The following SLC4A5 variants were observed in gnomAD, a reference collection of about 807,000 sequenced individuals.
SLC4A5 encodes electrogenic sodium bicarbonate cotransporter 4.
SLC4A5 carries 96 observed loss-of-function variants against 120.4 expected under a neutral mutation model. The ratio of observed to expected loss-of-function variants is 0.80; its 90% CI spans 0.68 to 0.94. The LOEUF is 0.94. Among genes scored for constraint, SLC4A5 ranks in the 40% least tolerant of loss-of-function variants. SLC4A5 has a pLI of 0.00. For missense variants in SLC4A5, 1,259 were observed against 1,459.5 expected, an observed-to-expected ratio of 0.86 and a Z score of 2.24; for synonymous variants, 550 against 571.1, an observed-to-expected ratio of 0.96 and a Z score of 0.53.
intron 18 of SLC4A5, 101 bp from the exon 19 acceptor site, chr2:74,247,408 C>G (rs538668788): frequency 1.6e-6 from 2 of 1,242,460 alleles, no homozygotes. Context: ...CCTCCTGTGG[C>G]ACTGATGCCC....
At chr2:74,328,673 T>G (rs1047823966) in intron 4 of SLC4A5, among the ~76,000 whole-genome samples, 1 of 152,222 alleles carries the variant, frequency 6.6e-6, no homozygotes, top group African/African-American at 2.4e-5. Flanking sequence ...CCTGTTGTTA[T>G]GTACTGGCAT....
chr2:74,216,716 C>G (rs1184330546), exon 31 of SLC4A5: 1 of 152,126 alleles, frequency 6.6e-6, no homozygotes, highest in Non-Finnish European at 1.5e-5. Context: ...TTAAACGATC[C>G]TCCTGCATCA....
chr2:74,233,393 C>T lies in SLC4A5; in HGVS notation c.2595+9G>A, dbSNP rs1022334588. ...GAGGTTATGCCTCTGCTCCTAGTAC[C>T]GGCCTTACCTTCAGTTTGTTCTCCT... On this transcript the variant is annotated intron_variant, in intron 23 of 30. Coordinates refer to ENST00000394019, the Ensembl canonical transcript of SLC4A5. The T allele has an allele frequency of 1.4e-5, 23 of 1,613,932 alleles. No homozygotes were observed. Among genetic ancestry groups the T allele is most frequent in the South Asian group, 1.3e-4 (12 of 91,082 alleles).
At chr2:74,335,143 G>A (rs188320477) in intron 3 of SLC4A5, among the ~76,000 whole-genome samples, 21 of 152,300 alleles carry the variant, frequency 1.4e-4, no homozygotes, top group Admixed American at 1.4e-3. Context: ...TTTTACAGAT[G>A]AGGAAACCAC....
intron 7 of SLC4A5, among the ~76,000 whole-genome samples, chr2:74,292,253 T>C (rs565665122): frequency 1.3e-5 from 2 of 152,316 alleles, no homozygotes; most frequent in African/African-American, 4.8e-5. Context: ...ATGCTTCCTC[T>C]GTTACTACCA....
At chr2:74,250,468 G>A in exon 17 of SLC4A5, 1 of 1,614,220 alleles carries the variant, frequency 6.2e-7, no homozygotes, top group Non-Finnish European at 8.5e-7. Context: ...AAGTCACTTG[G>A]GAACCAGGGC....
At chr2:74,280,716 C>G (rs1353370330) in intron 8 of SLC4A5, among the ~76,000 whole-genome samples, 1 of 150,630 alleles carries the variant, frequency 6.6e-6, no homozygotes, top group African/African-American at 2.5e-5. Flanking sequence ...CAGAGTTTCA[C>G]TCTTGTTGCC....
chr2:74,274,901 G>T (rs1382709207), intron 8 of SLC4A5, among the ~76,000 whole-genome samples: 3 of 152,180 alleles, frequency 2.0e-5, no homozygotes, highest in Non-Finnish European at 4.4e-5. Context: ...TTAGTTAAGT[G>T]ATTCCAGTGT....
intron 5 of SLC4A5, among the ~76,000 whole-genome samples, chr2:74,317,023 A>G (rs1012348764): frequency 6.6e-6 from 1 of 152,258 alleles, no homozygotes; most frequent in South Asian, 2.1e-4. Flanking sequence ...TGTTCAATAC[A>G]CATGCATCAG....
rs149650277 is a variant in SLC4A5 at position 74,284,835 on chromosome 2, G to A, written c.401+938C>T. On this transcript the variant is annotated intron_variant, in intron 8 of 30. Coordinates refer to ENST00000394019, the Ensembl canonical transcript of SLC4A5. The stretch of plus-strand genomic sequence containing the variant: ...TTTCTGCTCTCCGTATATATGGAGT[G>A]CTCTCTGCTCCACACGCTTTTCTCC... Among the ~76,000 whole-genome samples, 184 of 152,260 alleles carry A rather than the reference G, an allele frequency of 1.2e-3. 1 individual carries two copies. The Middle Eastern group carries it at 0.014, about 11-fold the overall frequency.
intron 23 of SLC4A5, 39 bp from the exon 24 acceptor site, chr2:74,232,686 G>A (rs781685626): frequency 2.5e-6 from 4 of 1,602,546 alleles, no homozygotes; most frequent in East Asian, 4.5e-5. Context: ...AGTTTCTGGG[G>A]AGCCAGTTCC....
chr2:74,293,191 C>T (rs1331362022), intron 7 of SLC4A5, among the ~76,000 whole-genome samples: 2 of 152,056 alleles, frequency 1.3e-5, no homozygotes, highest in Admixed American at 6.5e-5. Flanking sequence ...TCTTGGAGGC[C>T]CTGAGTCCTA....
intron 23 of SLC4A5, among the ~76,000 whole-genome samples, chr2:74,233,161 G>A (rs1329480055): frequency 6.6e-6 from 1 of 152,198 alleles, no homozygotes; most frequent in Non-Finnish European, 1.5e-5. Context: ...AAGACAGAGA[G>A]CCTGTGCCCA....
At chr2:74,247,256 T>C in exon 19 of SLC4A5, 1 of 1,614,116 alleles carries the variant, frequency 6.2e-7, no homozygotes, top group Non-Finnish European at 8.5e-7. Context: ...ACTGGACAGC[T>C]GAGTGTAGGC....
chr2:74,327,458 C>G (rs1311591491), intron 5 of SLC4A5, among the ~76,000 whole-genome samples: 1 of 152,234 alleles, frequency 6.6e-6, no homozygotes, highest in Non-Finnish European at 1.5e-5. Context: ...AAAGGCTACC[C>G]TCTCAACCCC....
chr2:74,306,873 C>A, intron 6 of SLC4A5: 1 of 631,372 alleles, frequency 1.6e-6, no homozygotes, highest in East Asian at 3.6e-5. Flanking sequence ...TTCCAGCAGG[C>A]AGTGGTAGGT....
At chr2:74,341,980 G>A (rs1673639282) in intron 2 of SLC4A5, among the ~76,000 whole-genome samples, 1 of 152,230 alleles carries the variant, frequency 6.6e-6, no homozygotes, top group Admixed American at 6.5e-5. Flanking sequence ...GACTCTTACA[G>A]GGCTCCTGTC....
chr2:74,248,879 CT>C (rs1163342392), intron 17 of SLC4A5, among the ~76,000 whole-genome samples: 1 of 152,232 alleles, frequency 6.6e-6, no homozygotes, highest in Non-Finnish European at 1.5e-5. Context: ...CGCTGAGTGT[CT>C]GCTGTGTACC....
exon 31 of SLC4A5, chr2:74,217,017 G>C (rs1307837416): frequency 2.6e-5 from 4 of 152,198 alleles, no homozygotes; most frequent in Admixed American, 6.5e-5. Context: ...CCTTGGAAGG[G>C]AGCTCTGAGA....
Sources: allele counts gnomAD v4.1 joint callset (sites outside exome capture counted in the v4.1 genomes callset), GRCh38; gene constraint gnomAD v4.1.1; transcripts MANE v1.5; gene names NCBI Gene and HGNC (gene_info 2026-07-23, HGNC 2026-07-21).